The following STS variants were observed in gnomAD, a reference collection of about 807,000 sequenced individuals.
STS encodes the protein steryl-sulfatase.
In STS, 7 loss-of-function variants were observed where a neutral mutation model predicts 26.8. The ratio of observed to expected loss-of-function variants is 0.26; its 90% CI spans 0.15 to 0.49. The LOEUF is 0.49. Among genes scored for constraint, STS ranks in the 20% least tolerant of loss-of-function variants. The pLI, the probability that STS is intolerant of heterozygous loss-of-function variation, is 0.98. For synonymous variants in STS, 199 were observed against 189.4 expected (o/e 1.05, Z -0.42); for missense variants, 434 against 465.6 (o/e 0.93, Z 0.63).
intron 9 of STS, among the ~76,000 whole-genome samples, chrX:7,325,837 T>C (rs1927423940): frequency 8.9e-6 from 1 of 112,013 alleles, no homozygotes; most frequent in Non-Finnish European, 1.9e-5. Flanking sequence ...CAGCCAGGCC[T>C]GTCTATCTAG....
intron 7 of STS, among the ~76,000 whole-genome samples, chrX:7,290,739 G>A (rs1293805463): frequency 1.8e-5 from 2 of 111,942 alleles, no homozygotes; most frequent in Non-Finnish European, 3.8e-5. Flanking sequence ...AACCTCTGGC[G>A]GTTAAATGTG....
Position 7,313,785 on chromosome X carries a change from TTAAATTCTACTAAAAGACAGAATGCCTC to T in STS, c.1081+8615_1081+8642del, listed in dbSNP as rs1334683628. Among the ~76,000 whole-genome samples the T allele has an allele frequency of 6.2e-5, 7 of 112,344 alleles. No homozygotes were observed. The East Asian group carries it at 2.0e-3, about 31-fold the overall frequency. ...TTACATTCTACTAGAAGCTAGTAGC[TTAAATTCTACTAAAAGACAGAATGCCTC>T]TAAATTCTACTAGTTTTTAGGATAG... On this transcript the variant is annotated intron_variant, in intron 8 of 10. Transcript: ENST00000674429.
At chrX:7,242,505 TG>T (rs781498091) in intron 2 of STS, among the ~76,000 whole-genome samples, 5 of 108,187 alleles carry the variant, frequency 4.6e-5, no homozygotes, top group Non-Finnish European at 9.6e-5. Flanking sequence ...GAGGCTGAGG[TG>T]GCAGGATTGC....
chrX:7,194,795 C>T (rs1282020490), intron 2 of STS, among the ~76,000 whole-genome samples: 1 of 111,589 alleles, frequency 9.0e-6, no homozygotes, highest in Non-Finnish European at 1.9e-5. Context: ...AGTCACGCAT[C>T]GCTGGATGAC....
intron 6 of STS, among the ~76,000 whole-genome samples, chrX:7,275,679 T>G (rs761940599): frequency 3.0e-4 from 33 of 111,259 alleles, no homozygotes; most frequent in African/African-American, 9.5e-4. Flanking sequence ...ATTAAATCTC[T>G]TCCTGAGTTG....
intron 8 of STS, among the ~76,000 whole-genome samples, chrX:7,312,570 A>G (rs1331524901): frequency 9.0e-6 from 1 of 111,135 alleles, no homozygotes; most frequent in African/African-American, 3.3e-5. Flanking sequence ...GGTCAGAGGT[A>G]ATTGAATCAT....
At chrX:7,338,506 C>T (rs1928135171) in intron 10 of STS, among the ~76,000 whole-genome samples, 1 of 111,727 alleles carries the variant, frequency 9.0e-6, no homozygotes, top group Admixed American at 9.5e-5. Context: ...TAAAATGTCA[C>T]ACTTTAGTCA....
chrX:7,232,340 T>C (rs1160007837), intron 2 of STS, among the ~76,000 whole-genome samples: 2 of 112,175 alleles, frequency 1.8e-5, no homozygotes, highest in African/African-American at 6.5e-5. Context: ...ATACAGTGCA[T>C]TAGCGTTAGC....
Position 7,259,603 on chromosome X carries a change from A to G in STS, c.637A>G (p.Ser213Gly), listed in dbSNP as rs773399135. 3.6e-5 allele frequency: 44 copies of G among 1,208,695 alleles called. No individual in the cohort carries two copies. The East Asian group carries it at 1.2e-3, about 34-fold the overall frequency. ...CCACGTGCCTCTAGGCGTTTTTTTC[A>G]GCCTTCTCTTCCTAGCAGCCCTAAT... ...LLHVPLGVFF[S>G]LLFLAALILT... Residue 213 changes from serine (S) to glycine (G), a missense_variant, in exon 6 of 11, where the codon AGC becomes GGC. Coordinates refer to ENST00000674429, the MANE Select transcript of STS (RefSeq NM_001320752.2).
intron 8 of STS, among the ~76,000 whole-genome samples, chrX:7,319,049 G>A (rs554309004): frequency 2.8e-4 from 31 of 112,088 alleles, no homozygotes; most frequent in Non-Finnish European, 5.3e-4. Context: ...ATCACCTGGA[G>A]TTCTGGGATA....
Position 7,299,304 on chromosome X carries a change from T to C in STS, c.944-5742T>C, listed in dbSNP as rs1417837294. 2.0e-5 allele frequency among the ~76,000 whole-genome samples: 2 copies of C among 98,366 alleles called. 1 individual carries two copies. The highest frequency in any genetic ancestry group is 7.4e-5 in the African/African-American group (2 of 27,140). The allele number at this position is 98,366 out of a possible 115,157, so 85.4% of individuals were successfully genotyped here. A position where few individuals can be genotyped will look rare whatever the true frequency, so the allele number is the denominator to read the frequency against. On this transcript the variant is annotated intron_variant, in intron 7 of 10. Transcript: ENST00000674429. ...AATATAAATAACATGATAATAAATA[T>C]ATAATTATATTAATTAAATTTAGAA... is the stretch of plus-strand genomic sequence containing the variant.
chrX:7,183,872 G>A (rs1933726478), intron 1 of STS, among the ~76,000 whole-genome samples: 1 of 111,097 alleles, frequency 9.0e-6, no homozygotes, highest in Non-Finnish European at 1.9e-5. Flanking sequence ...TGTGGTGGCA[G>A]GCGTCTGTAA....
chrX:7,219,500 G>T, intron 2 of STS: 1 of 1,145,872 alleles, frequency 8.7e-7, no homozygotes, highest in Non-Finnish European at 1.2e-6. Flanking sequence ...GGACCCAGCT[G>T]TAGTGAGGTT....
chrX:7,187,160 G>C (rs1468177711), intron 1 of STS, among the ~76,000 whole-genome samples: 7 of 112,289 alleles, frequency 6.2e-5, no homozygotes, highest in Non-Finnish European at 1.1e-4. Context: ...TGACATCTAA[G>C]TTGCTACCAC....
rs1281374793 is a variant in STS at position 7,352,749 on chromosome X, C to A, written c.*2488C>A. 20 of 110,740 alleles carry A rather than the reference C, an allele frequency of 1.8e-4. No individual in the cohort carries two copies. Among genetic ancestry groups the A allele is most frequent in the African/African-American group, 5.6e-4 (17 of 30,471 alleles). The allele number at this position is 110,740 out of a possible 1,213,427, so 9.1% of individuals were successfully genotyped here. ...TTTTAAAAAATTCTTGTATTTCTAGCATTACTAGATATTAAAAGTTAAGCA... is the reference window on the plus strand; with the variant it reads ...TTTTAAAAAATTCTTGTATTTCTAGAATTACTAGATATTAAAAGTTAAGCA... On this transcript the variant is annotated 3_prime_UTR_variant, in exon 11 of 11. Coordinates refer to ENST00000674429, the MANE Select transcript of STS (RefSeq NM_001320752.2).
intron 6 of STS, among the ~76,000 whole-genome samples, chrX:7,274,449 A>G (rs998246213): frequency 2.7e-5 from 3 of 111,886 alleles, no homozygotes; most frequent in Non-Finnish European, 3.8e-5. Flanking sequence ...GCAGAAAGGA[A>G]TTGCTAATTA....
intron 2 of STS, among the ~76,000 whole-genome samples, chrX:7,204,239 C>T (rs777393538): frequency 9.0e-6 from 1 of 111,713 alleles, no homozygotes; most frequent in East Asian, 2.8e-4. Context: ...TTCTTCAAGT[C>T]TCCTACTTCT....
At chrX:7,197,247 A>G (rs1240176634) in intron 2 of STS, among the ~76,000 whole-genome samples, 3 of 111,557 alleles carry the variant, frequency 2.7e-5, no homozygotes, top group African/African-American at 9.8e-5. Flanking sequence ...TTTGTCCAAT[A>G]TTGATTATTT....
intron 1 of STS, among the ~76,000 whole-genome samples, chrX:7,176,784 G>A (rs1203143820): frequency 1.8e-5 from 2 of 111,165 alleles, no homozygotes; most frequent in Admixed American, 1.9e-4. Context: ...CATGATTCAA[G>A]TACCTCCCAC....
Sources: allele counts gnomAD v4.1 joint callset (sites outside exome capture counted in the v4.1 genomes callset), GRCh38; gene constraint gnomAD v4.1.1; transcripts MANE v1.5; gene names NCBI Gene and HGNC (gene_info 2026-07-23, HGNC 2026-07-21).